Variants in AP2S1 observed in about 807,000 individuals in gnomAD.
AP2S1 encodes adaptor related protein complex 2 subunit sigma 1.
In AP2S1, 6 loss-of-function variants were observed where a neutral mutation model predicts 21.0. The ratio of observed to expected loss-of-function variants is 0.29; its 90% CI spans 0.16 to 0.56. AP2S1 has a LOEUF of 0.56. Ranked by LOEUF, AP2S1 falls within the 20% of genes least tolerant of loss-of-function variation. The pLI, the probability that AP2S1 is intolerant of heterozygous loss-of-function variation, is 0.92. For missense variants in AP2S1, 60 were observed against 186.2 expected (o/e 0.32, Z 3.95); for synonymous variants, 63 against 74.6 (o/e 0.84, Z 0.80).
At chr19:46,847,567 TC>T (rs910351854) in intron 1 of AP2S1, among the ~76,000 whole-genome samples, 49 of 151,304 alleles carry the variant, frequency 3.2e-4, no homozygotes, top group African/African-American at 1.2e-3. Flanking sequence ...TTTCATCATC[TC>T]CCCCCAAAAA....
intron 3 of AP2S1, 106 bp downstream of exon 3, chr19:46,839,359 C>CTGCAGAG: frequency 9.1e-7 from 1 of 1,093,966 alleles, no homozygotes; most frequent in South Asian, 1.3e-5. Context: ...GTCCCAGTCA[C>CTGCAGAG]TGCAGAGGGA....
chr19:46,838,690 C>T lies in AP2S1; in HGVS notation c.327+50G>A, dbSNP rs1268565477. The T allele has an allele frequency of 3.7e-6, 6 of 1,604,256 alleles. No individual in the cohort carries two copies. Among genetic ancestry groups the T allele is most frequent in the African/African-American group, 1.3e-5 (1 of 74,728 alleles). ...GGTGGCTAGTGCACCACGGGTCCCC[C>T]CCGTCCCCCTCCTCTGGCTCCTTCA... is the stretch of plus-strand genomic sequence containing the variant. On this transcript the variant is annotated intron_variant, in intron 4 of 4. Coordinates refer to ENST00000263270, the MANE Select transcript of AP2S1 (RefSeq NM_004069.6). The surrounding 1 kb of genome is among the most constrained non-coding windows in gnomAD (Gnocchi z 4.1).
At chr19:46,845,224 T>C (rs1190963812) in intron 2 of AP2S1, among the ~76,000 whole-genome samples, 2 of 149,962 alleles carry the variant, frequency 1.3e-5, no homozygotes, top group South Asian at 2.1e-4. Context: ...CTGGCCAACA[T>C]GGTGAAACCT....
chr19:46,844,016 T>C (rs1267711730), intron 2 of AP2S1, among the ~76,000 whole-genome samples: 1 of 152,066 alleles, frequency 6.6e-6, no homozygotes, highest in East Asian at 1.9e-4. Context: ...ATTCAAGCGA[T>C]TCTCCTGCTT....
Position 46,849,091 on chromosome 19 carries a change from T to C in AP2S1, c.3+1673A>G, listed in dbSNP as rs112817144. On this transcript the variant is annotated intron_variant, in intron 1 of 4. Coordinates refer to ENST00000263270, the MANE Select transcript of AP2S1 (RefSeq NM_004069.6). ...CACAATCTCGGCTCACTGCAGCCTC[T>C]GCCTCCCGGGTTCAAGCGATTCTCC... 6.7e-3 allele frequency among the ~76,000 whole-genome samples: 961 copies of C among 143,996 alleles called. 5 individuals carry two copies. Among genetic ancestry groups the C allele is most frequent in the South Asian group, 0.021 (90 of 4,304 alleles). The allele number at this position is 143,996 out of a possible 152,430, so 94.5% of individuals were successfully genotyped here. A position where few individuals can be genotyped will look rare whatever the true frequency, so the allele number is the denominator to read the frequency against.
In AP2S1 at chr19:46,838,346, G is replaced by T; in HGVS notation, c.*101C>A. 1 of 1,141,880 alleles carries T rather than the reference G, an allele frequency of 8.8e-7. No homozygotes were observed. The allele number at this position is 1,141,880 out of a possible 1,614,324, so 70.7% of individuals were successfully genotyped here. A position where few individuals can be genotyped will look rare whatever the true frequency, so the allele number is the denominator to read the frequency against. On this transcript the variant is annotated 3_prime_UTR_variant, in exon 5 of 5. Transcript: ENST00000263270. This position sits in a 1 kb window ranked among gnomAD's most constrained non-coding sequence, Gnocchi z 4.1. Reference sequence around the variant, plus strand: ...ACCCAGCTGGGTCCCTTCCTCCTAGGCAGCTGAGGGAAGGACTGCTGGGTT... The same window carrying T: ...ACCCAGCTGGGTCCCTTCCTCCTAGTCAGCTGAGGGAAGGACTGCTGGGTT...
chr19:46,848,129 G>A (rs1157518354), intron 1 of AP2S1, among the ~76,000 whole-genome samples: 1 of 152,104 alleles, frequency 6.6e-6, no homozygotes, highest in Non-Finnish European at 1.5e-5. Context: ...AGCACTTTGG[G>A]AGGCCAAGGC....
At chr19:46,850,075 C>A in intron 1 of AP2S1, 1 of 1,196,812 alleles carries the variant, frequency 8.4e-7, no homozygotes, top group Non-Finnish European at 1.0e-6. Context: ...CCCACAAGAT[C>A]TCTCCTCTTG....
intron 1 of AP2S1, among the ~76,000 whole-genome samples, chr19:46,848,866 C>T (rs1173433695): frequency 2.0e-5 from 3 of 152,184 alleles, no homozygotes; most frequent in African/African-American, 7.2e-5. Flanking sequence ...GCGCATGCCA[C>T]CATGCCCGGC....
At position 46,838,681 on chromosome 19, in the gene AP2S1, C is replaced by T. The variant is rs1200166651; in HGVS notation, c.327+59G>A. The T allele has an allele frequency of 3.8e-6, 6 of 1,595,470 alleles. No individual in the cohort carries two copies. The highest frequency in any genetic ancestry group is 2.2e-5 in the East Asian group (1 of 44,760). ...GAGGCTCCGGGTGGCTAGTGCACCA[C>T]GGGTCCCCCCCGTCCCCCTCCTCTG... On this transcript the variant is annotated intron_variant, in intron 4 of 4. Transcript: ENST00000263270. The surrounding 1 kb of genome is among the most constrained non-coding windows in gnomAD (Gnocchi z 4.1).
At chr19:46,840,756 C>T (rs974303091) in intron 2 of AP2S1, among the ~76,000 whole-genome samples, 15 of 134,418 alleles carry the variant, frequency 1.1e-4, no homozygotes, top group African/African-American at 4.4e-4. Flanking sequence ...CTGGCTCTGA[C>T]GCCCAGGCTG....
rs140743163 is a variant in AP2S1, at chr19:46,847,672, T to C, written c.4-1530A>G. On this transcript the variant is annotated intron_variant, in intron 1 of 4. Transcript: ENST00000263270. ...TCTGTGGATGTGTCTGTTCTGGACA[T>C]TGTATATGAGTGGAATCATGCACTC... Among the ~76,000 whole-genome samples the C allele has an allele frequency of 4.2e-3, 647 of 152,248 alleles. 6 individuals are homozygous for C. The highest frequency in any genetic ancestry group is 0.015 in the African/African-American group (621 of 41,556).
intron 1 of AP2S1, 105 bp downstream of exon 1, chr19:46,850,659 G>A (rs2055722098): frequency 8.1e-6 from 9 of 1,104,814 alleles, no homozygotes; most frequent in South Asian, 1.3e-5. Context: ...GCCTGACCCA[G>A]ACCATCCGCG....
chr19:46,849,810 T>C (rs1401451583), intron 1 of AP2S1, among the ~76,000 whole-genome samples: 1 of 152,102 alleles, frequency 6.6e-6, no homozygotes, highest in Non-Finnish European at 1.5e-5. Flanking sequence ...TGACATCCCT[T>C]GTCCCACTCC....
intron 1 of AP2S1, among the ~76,000 whole-genome samples, chr19:46,849,075 G>A (rs1418402507): frequency 7.0e-6 from 1 of 142,864 alleles, no homozygotes; most frequent in Admixed American, 7.2e-5. Flanking sequence ...GCACAATCTC[G>A]GCTCACTGCA....
rs1394507671 is a variant in AP2S1 at position 46,850,830 on chromosome 19, G to T, written c.-64C>A. 38 of 1,498,300 alleles carry T rather than the reference G, an allele frequency of 2.5e-5. No individual in the cohort carries two copies. Among genetic ancestry groups the T allele is most frequent in the Non-Finnish European group, 3.3e-5 (37 of 1,115,290 alleles). The allele number at this position is 1,498,300 out of a possible 1,614,324, so 92.8% of individuals were successfully genotyped here. A position where few individuals can be genotyped will look rare whatever the true frequency, so the allele number is the denominator to read the frequency against. Reference sequence around the variant, plus strand: ...GGCGACTGGGCAGCTCCGGCTCAGGGTGCAGTTGTAGGGCCCAGAGCTAGA... The same window carrying T: ...GGCGACTGGGCAGCTCCGGCTCAGGTTGCAGTTGTAGGGCCCAGAGCTAGA... On this transcript the variant is annotated 5_prime_UTR_variant, in exon 1 of 5. Coordinates refer to ENST00000263270, the MANE Select transcript of AP2S1 (RefSeq NM_004069.6).
At chr19:46,850,195 T>G in intron 1 of AP2S1, 1 of 1,232,568 alleles carries the variant, frequency 8.1e-7, no homozygotes, top group African/African-American at 1.5e-5. Flanking sequence ...TCCCTACAGT[T>G]GCCTCCTTTT....
chr19:46,846,719 G>A (rs1046387693), intron 1 of AP2S1, among the ~76,000 whole-genome samples: 2 of 152,134 alleles, frequency 1.3e-5, no homozygotes, highest in Non-Finnish European at 2.9e-5. Context: ...AGGCTGGAGT[G>A]CGATGGCGCA....
chr19:46,845,314 G>A (rs187585696), intron 2 of AP2S1, among the ~76,000 whole-genome samples: 4 of 151,328 alleles, frequency 2.6e-5, no homozygotes, highest in African/African-American at 7.3e-5. Context: ...GCTGAGGCAG[G>A]AGAATTGCTT....
Sources: gnomAD v4.1 joint callset for allele counts (sites outside exome capture counted in the v4.1 genomes callset) on GRCh38, gnomAD v4.1.1 for gene constraint, Gnocchi (gnomAD v3.1) non-coding constraint, MANE v1.5 for transcripts, NCBI Gene and HGNC (gene_info 2026-07-23, HGNC 2026-07-21) for gene names.